The following KMT2C variants were observed in gnomAD, a reference collection of about 807,000 sequenced individuals.
KMT2C encodes histone-lysine N-methyltransferase 2C.
Under a neutral mutation model 507.9 loss-of-function variants are expected in KMT2C, and 88 were observed. That is an observed-to-expected ratio of 0.17 (90% CI 0.15 to 0.21). KMT2C has a LOEUF of 0.21. KMT2C is among the 10% of genes least tolerant of loss of function. The probability of loss-of-function intolerance (pLI) is 1.00; values close to 1 mark genes in which losing one functional copy is unlikely to be tolerated. For synonymous variants in KMT2C, 2,049 were observed against 2,080.8 expected (o/e 0.98, Z 0.42); for missense variants, 4,954 against 5,957.8 (o/e 0.83, Z 5.55).
chr7:152,205,359 A>C, intron 24 of KMT2C, 134 bp from the exon 25 acceptor site: 6 of 432,972 alleles, frequency 1.4e-5, no homozygotes, highest in African/African-American at 2.1e-5. Context: ...TAAATCAATA[A>C]CCTGATTTTT....
intron 9 of KMT2C, among the ~76,000 whole-genome samples, chr7:152,254,418 T>C (rs1300867751): frequency 6.6e-6 from 1 of 152,106 alleles, no homozygotes; most frequent in Non-Finnish European, 1.5e-5. Context: ...TTCAAAGATA[T>C]TTAATATTAG....
chr7:152,252,195 T>A, intron 10 of KMT2C, 105 bp from the exon 11 acceptor site: 1 of 808,138 alleles, frequency 1.2e-6, no homozygotes, highest in Non-Finnish European at 1.9e-6. Flanking sequence ...GTTAATTAAG[T>A]ATGAGAGGAG....
At chr7:152,283,377 C>T (rs2096251363) in intron 6 of KMT2C, among the ~76,000 whole-genome samples, 1 of 152,040 alleles carries the variant, frequency 6.6e-6, no homozygotes, top group Non-Finnish European at 1.5e-5. Flanking sequence ...TAGGAGTAAA[C>T]ACAGACACAG....
chr7:152,249,110 T>C (rs2095521538), intron 13 of KMT2C, among the ~76,000 whole-genome samples: 1 of 152,162 alleles, frequency 6.6e-6, no homozygotes, highest in Non-Finnish European at 1.5e-5. Context: ...TCTTTGGATA[T>C]AATCCTTGTT....
At chr7:152,274,684 G>C (rs2096048776) in intron 6 of KMT2C, among the ~76,000 whole-genome samples, 1 of 152,200 alleles carries the variant, frequency 6.6e-6, no homozygotes, top group South Asian at 2.1e-4. Flanking sequence ...AAGAGAGTTT[G>C]ATGGGCCCTG....
At chr7:152,291,659 CA>C (rs2096429503) in intron 6 of KMT2C, among the ~76,000 whole-genome samples, 1 of 152,206 alleles carries the variant, frequency 6.6e-6, no homozygotes, top group Non-Finnish European at 1.5e-5. Flanking sequence ...TCCATCACTT[CA>C]AACTCAGCAC....
chr7:152,367,411 T>C, intron 1 of KMT2C: 1 of 689,496 alleles, frequency 1.5e-6, no homozygotes, highest in Non-Finnish European at 2.5e-6. Flanking sequence ...TGAGACAGGG[T>C]CTCGCCTTAT....
At chr7:152,150,764 C>T (rs986200791) in intron 51 of KMT2C, 136 bp downstream of exon 51, 18 of 640,234 alleles carry the variant, frequency 2.8e-5, no homozygotes, top group South Asian at 1.7e-4. Flanking sequence ...CCTCCTCTGC[C>T]GGGTCAGCAC....
At chr7:152,310,735 G>C (rs1387021076) in intron 5 of KMT2C, among the ~76,000 whole-genome samples, 9 of 152,022 alleles carry the variant, frequency 5.9e-5, no homozygotes, top group African/African-American at 2.2e-4. Flanking sequence ...CCAGGCTGAA[G>C]TTCAGTGGCA....
Position 152,367,139 on chromosome 7 carries a change from G to C in KMT2C, c.162-8464C>G, listed in dbSNP as rs966743345. On this transcript the variant is annotated intron_variant, in intron 1 of 58. Transcript: ENST00000262189. Reference sequence around the variant, plus strand: ...AAGAGTGTGGTCTCCTAGAAATCTAGCACTGGAGAAACGAGGAAAATTCTT... The same window carrying C: ...AAGAGTGTGGTCTCCTAGAAATCTACCACTGGAGAAACGAGGAAAATTCTT... 5.2e-6 allele frequency: 6 copies of C among 1,161,922 alleles called. No individual in the cohort carries two copies. In the African/African-American group the frequency reaches 9.4e-5, roughly 18 times the overall value. The allele number at this position is 1,161,922 out of a possible 1,614,324, so 72.0% of individuals were successfully genotyped here.
At chr7:152,142,347 C>G (rs1420974648) in intron 55 of KMT2C, among the ~76,000 whole-genome samples, 1 of 152,156 alleles carries the variant, frequency 6.6e-6, no homozygotes, top group East Asian at 1.9e-4. Context: ...TACGCAATTC[C>G]TATGAAAGCA....
intron 23 of KMT2C, among the ~76,000 whole-genome samples, chr7:152,208,008 T>C (rs964418694): frequency 7.2e-5 from 11 of 152,314 alleles, no homozygotes; most frequent in African/African-American, 2.6e-4. Flanking sequence ...ACTACCATCT[T>C]AGTCCAACCT....
chr7:152,435,470 G>A (rs1034702391), intron 1 of KMT2C, among the ~76,000 whole-genome samples, 156 bp downstream of exon 1: 1 of 145,726 alleles, frequency 6.9e-6, no homozygotes, highest in Non-Finnish European at 1.5e-5. Flanking sequence ...AGGGGCGCGG[G>A]GCCGGGGCCG....
At chr7:152,183,954 C>A (rs1373264256) in intron 34 of KMT2C, among the ~76,000 whole-genome samples, 1 of 150,696 alleles carries the variant, frequency 6.6e-6, no homozygotes, top group Non-Finnish European at 1.5e-5. Flanking sequence ...TGCCTGTAAT[C>A]CCAGCTACTT....
chr7:152,326,433 G>A (rs1053223215), intron 3 of KMT2C, among the ~76,000 whole-genome samples: 1 of 151,560 alleles, frequency 6.6e-6, no homozygotes, highest in African/African-American at 2.4e-5. Context: ...TATATTATTG[G>A]AAAATATTCT....
intron 36 of KMT2C, 150 bp downstream of exon 36, chr7:152,180,561 T>C (rs1019803139): frequency 1.3e-5 from 8 of 620,174 alleles, no homozygotes; most frequent in African/African-American, 9.3e-5. Context: ...GTTAATTTCA[T>C]CAATTTCATT....
At chr7:152,333,184 T>A (rs2096900349) in intron 2 of KMT2C, among the ~76,000 whole-genome samples, 3 of 152,152 alleles carry the variant, frequency 2.0e-5, no homozygotes, top group Admixed American at 2.0e-4. Flanking sequence ...ACTCACTCTG[T>A]CGCCCATGCT....
rs1259012096 is a variant in KMT2C at position 152,163,354 on chromosome 7, T to C, written c.10223A>G (p.Gln3408Arg). The C allele has an allele frequency of 1.2e-6, 2 of 1,614,110 alleles. No individual in the cohort carries two copies. Among genetic ancestry groups the C allele is most frequent in the East Asian group, 2.2e-5 (1 of 44,898 alleles). The part of the protein sequence containing the change: ...RERKERLREQ[Q>R]ERQRIQLMQE... The stretch of plus-strand genomic sequence containing the variant: ...CATGAGTTGGATCCGTTGTCTCTCT[T>C]GCTGTTCTCGTAAACGTTCCTTACG... Residue 3408 changes from glutamine (Q) to arginine (R), a missense_variant, in exon 43 of 59, where the codon CAA (glutamine) becomes CGA (arginine). Gln to Arg is a conservative substitution (Grantham distance 43, BLOSUM62 1). Coordinates refer to ENST00000262189, the MANE Select transcript of KMT2C (RefSeq NM_170606.3).
intron 6 of KMT2C, among the ~76,000 whole-genome samples, chr7:152,292,464 A>G (rs941421503): frequency 3.9e-5 from 6 of 152,216 alleles, no homozygotes; most frequent in African/African-American, 1.4e-4. Flanking sequence ...AGTCATATAT[A>G]ATGCCCAAAT....
Sources: gnomAD v4.1 joint callset for allele counts (sites outside exome capture counted in the v4.1 genomes callset) on GRCh38, gnomAD v4.1.1 for gene constraint, MANE v1.5 for transcripts, NCBI Gene and HGNC (gene_info 2026-07-23, HGNC 2026-07-21) for gene names.